WDFY4: variants seen among roughly 807,000 people sequenced by gnomAD.
WDFY4 encodes the protein WDFY family member 4.
WDFY4 carries 169 observed loss-of-function variants against 351.9 expected under a neutral mutation model. That is an observed-to-expected ratio of 0.48 (90% CI 0.42 to 0.55). WDFY4 has a LOEUF of 0.55. Among genes scored for constraint, WDFY4 ranks in the 20% least tolerant of loss-of-function variants. The pLI is 0.00. For missense variants in WDFY4, 3,803 were observed against 3,935.6 expected (o/e 0.97, Z 0.90); for synonymous variants, 1,622 against 1,574.6 (o/e 1.03, Z -0.71).
chr10:48,812,182 T>TTC (rs1171487874), intron 30 of WDFY4, among the ~76,000 whole-genome samples: 3 of 130,914 alleles, frequency 2.3e-5, no homozygotes, highest in African/African-American at 1.2e-4. Context: ...TTCTTTTCTT[T>TTC]TTTTTTTGTT....
chr10:48,890,552 C>A, intron 43 of WDFY4, 27 bp from the exon 44 acceptor site: 1 of 1,551,448 alleles, frequency 6.4e-7, no homozygotes, highest in Non-Finnish European at 8.7e-7. Flanking sequence ...CTGTGCACCA[C>A]CTGACTCTGC....
At chr10:48,822,350 C>G (rs548668801) in intron 34 of WDFY4, 30 bp from the exon 35 acceptor site, 9 of 1,505,022 alleles carry the variant, frequency 6.0e-6, no homozygotes, top group African/African-American at 4.1e-5. Context: ...CATTTAGACT[C>G]TCACCTCCAC....
intron 20 of WDFY4, among the ~76,000 whole-genome samples, chr10:48,788,133 T>C (rs975556808): frequency 6.6e-6 from 1 of 151,802 alleles, no homozygotes; most frequent in Non-Finnish European, 1.5e-5. Context: ...GTTCAAGCCA[T>C]TCTCCTGCCT....
chr10:48,853,668 A>G lies in WDFY4; in HGVS notation c.6664-13597A>G, dbSNP rs984500785. ...AAAAATGCTAAAATTAGAAAATGGA[A>G]CCACATCAGGCTTCTGTTGGAAAGC... is the stretch of plus-strand genomic sequence containing the variant. On this transcript the variant is annotated intron_variant, in intron 39 of 61. Coordinates refer to ENST00000325239, the MANE Select transcript of WDFY4 (RefSeq NM_001394531.1). Among the ~76,000 whole-genome samples, 4 of 152,230 alleles carry G rather than the reference A, an allele frequency of 2.6e-5. No individual in the cohort carries two copies. In the East Asian group the frequency reaches 7.7e-4, roughly 29 times the overall value.
chr10:48,722,951 G>C lies in WDFY4; in HGVS notation c.457-482G>C, dbSNP rs2064141638. 2.0e-5 allele frequency among the ~76,000 whole-genome samples: 3 copies of C among 152,290 alleles called. No homozygotes were observed. In the South Asian group the frequency reaches 6.2e-4, roughly 32 times the overall value. ...TTGGACCTTGACGAGATCTGTCTGGGATCTAGATGAGAGGTTGGGGAGGGG... is the reference window on the plus strand; with the variant it reads ...TTGGACCTTGACGAGATCTGTCTGGCATCTAGATGAGAGGTTGGGGAGGGG... On this transcript the variant is annotated intron_variant, in intron 4 of 61. Coordinates refer to ENST00000325239, the MANE Select transcript of WDFY4 (RefSeq NM_001394531.1).
Position 48,806,043 on chromosome 10 carries a change from G to C in WDFY4, c.4686G>C (p.Ser1562=). 6.4e-7 allele frequency: 1 copy of C among 1,551,656 alleles called. No individual in the cohort carries two copies. The change falls in exon 27 of 62, where the codon TCG becomes TCC. Residue 1562 remains serine, a synonymous_variant. Coordinates refer to ENST00000325239, the MANE Select transcript of WDFY4 (RefSeq NM_001394531.1). Reference sequence around the variant, plus strand: ...TTGTGTACACCCTCAAGCCTTCGTCGGTGAATGAGAGGCAGATCTGCATGG... The same window carrying C: ...TTGTGTACACCCTCAAGCCTTCGTCCGTGAATGAGAGGCAGATCTGCATGG... The part of the protein sequence containing the change: ...LFVVYTLKPS[S]VNERQICMDG...
chr10:48,885,734 C>A (rs2246215), intron 43 of WDFY4, among the ~76,000 whole-genome samples: 139,572 of 151,222 alleles, frequency 0.92, 64,438 homozygotes, highest in Middle Eastern at 0.98. Flanking sequence ...CTCTCTCTCT[C>A]TATATATATA....
At chr10:48,726,104 C>T (rs747409549) in intron 6 of WDFY4, 34 bp downstream of exon 6, 172 of 1,523,142 alleles carry the variant, frequency 1.1e-4, no homozygotes, top group Non-Finnish European at 1.4e-4. Flanking sequence ...GGGCTGTGGG[C>T]CATGCAAGGG....
At chr10:48,771,304 C>G (rs2065857597) in intron 13 of WDFY4, among the ~76,000 whole-genome samples, 1 of 152,190 alleles carries the variant, frequency 6.6e-6, no homozygotes, top group African/African-American at 2.4e-5. Flanking sequence ...CATACTCGAC[C>G]ATTTTTAGGA....
Position 48,787,807 on chromosome 10 carries a change from C to CTCCTCCTCTTCTTCTTCT in WDFY4, c.3809-721_3809-720insCTCCTCTTCTTCTTCTTC, listed in dbSNP as rs796166984. On this transcript the variant is annotated intron_variant, in intron 20 of 61. Transcript: ENST00000325239. ...CCTCTTCCTCCTCCTCCTCCTCCTC[C>CTCCTCCTCTTCTTCTTCT]TCTTCTTCTTCTTCTTCTTCTTCTT... Among the ~76,000 whole-genome samples, 50 of 76,736 alleles carry CTCCTCCTCTTCTTCTTCT rather than the reference C, an allele frequency of 6.5e-4. 4 individuals carry two copies. Among genetic ancestry groups the CTCCTCCTCTTCTTCTTCT allele is most frequent in the African/African-American group, 2.0e-3 (31 of 15,850 alleles). 50.3% of individuals were successfully genotyped at this position (76,736 alleles called of 152,430 possible).
intron 13 of WDFY4, among the ~76,000 whole-genome samples, chr10:48,762,939 G>A (rs2132534871): frequency 6.6e-6 from 1 of 152,360 alleles, no homozygotes; most frequent in South Asian, 2.1e-4. Context: ...GGGGTGACAG[G>A]TGTGTGTAGG....
intron 44 of WDFY4, among the ~76,000 whole-genome samples, chr10:48,894,435 T>C (rs993374968): frequency 6.6e-6 from 1 of 152,228 alleles, no homozygotes; most frequent in African/African-American, 2.4e-5. Context: ...AAACCAAGTT[T>C]CACCTCTTGA....
At chr10:48,916,213 C>A (rs1416559977) in intron 47 of WDFY4, among the ~76,000 whole-genome samples, 3 of 152,184 alleles carry the variant, frequency 2.0e-5, no homozygotes, top group Non-Finnish European at 4.4e-5. Context: ...TTTCTCTTGG[C>A]TTGGACTCAA....
rs57927796 is a variant in WDFY4 at position 48,946,991 on chromosome 10, T to TACACACACACACAC, written c.7977+38_7977+51dup. ...GCAGGTGAGCTGCTGCCACTCTCTG[T>TACACACACACACAC]ACACACACACACACACACACACACA... is the stretch of plus-strand genomic sequence containing the variant. On this transcript the variant is annotated intron_variant, in intron 51 of 61. Coordinates refer to ENST00000325239, the MANE Select transcript of WDFY4 (RefSeq NM_001394531.1). 665 of 1,100,334 alleles carry TACACACACACACAC rather than the reference T, an allele frequency of 6.0e-4. 8 individuals are homozygous for TACACACACACACAC. The African/African-American group carries it at 9.6e-3, about 16-fold the overall frequency. 68.2% of individuals were successfully genotyped at this position (1,100,334 alleles called of 1,614,324 possible).
At chr10:48,962,808 G>A (rs1158161347) in intron 53 of WDFY4, among the ~76,000 whole-genome samples, 1 of 152,172 alleles carries the variant, frequency 6.6e-6, no homozygotes, top group African/African-American at 2.4e-5. Flanking sequence ...CTCCCATCTG[G>A]AGTCAGTGAG....
intron 45 of WDFY4, among the ~76,000 whole-genome samples, chr10:48,899,764 T>A (rs912565894): frequency 1.3e-5 from 2 of 152,112 alleles, no homozygotes; most frequent in African/African-American, 4.8e-5. Context: ...TGGGGCCACA[T>A]CAAAATGGCC....
chr10:48,694,641 T>C (rs1230791958), intron 1 of WDFY4, among the ~76,000 whole-genome samples: 1 of 152,112 alleles, frequency 6.6e-6, no homozygotes, highest in Non-Finnish European at 1.5e-5. Context: ...AAGCACCATG[T>C]CCATGTCCAT....
chr10:48,794,081 C>T (rs749486321), intron 23 of WDFY4, among the ~76,000 whole-genome samples: 12 of 152,068 alleles, frequency 7.9e-5, no homozygotes, highest in Non-Finnish European at 1.5e-4. Context: ...CATGGCATAC[C>T]GAATGGAGGG....
At position 48,797,439 on chromosome 10, in the gene WDFY4, C is replaced by T. The variant is rs145784999; in HGVS notation, c.4410+989C>T. On this transcript the variant is annotated intron_variant, in intron 24 of 61. Coordinates refer to ENST00000325239, the MANE Select transcript of WDFY4 (RefSeq NM_001394531.1). The stretch of plus-strand genomic sequence containing the variant: ...AGAAAAATGTGAGGGGGAAACTCTC[C>T]TATTACCAAGACCTAGTTAATTCTT... 1.2e-4 allele frequency among the ~76,000 whole-genome samples: 19 copies of T among 152,252 alleles called. No individual in the cohort carries two copies. In the East Asian group the frequency reaches 3.7e-3, roughly 29 times the overall value.
Sources: allele counts gnomAD v4.1 joint callset (sites outside exome capture counted in the v4.1 genomes callset), GRCh38; gene constraint gnomAD v4.1.1; transcripts MANE v1.5; gene names NCBI Gene and HGNC (gene_info 2026-07-23, HGNC 2026-07-21).